JAZF1: variants seen among roughly 807,000 people sequenced by gnomAD.
JAZF1 encodes the protein JAZF zinc finger 1, also known as juxtaposed with another zinc finger protein 1.
JAZF1 carries 8 observed loss-of-function variants against 26.4 expected under a neutral mutation model. The ratio of observed to expected loss-of-function variants is 0.30; its 90% CI spans 0.18 to 0.55. The LOEUF (loss-of-function observed/expected upper bound fraction) is 0.55. JAZF1 is among the 20% of genes least tolerant of loss of function. The pLI is 0.94. For synonymous variants in JAZF1, 126 were observed against 122.3 expected (o/e 1.03, Z -0.20); for missense variants, 199 against 322.0 (o/e 0.62, Z 2.92).
chr7:27,863,143 TA>T (rs1783412232), intron 3 of JAZF1, among the ~76,000 whole-genome samples: 1 of 152,250 alleles, frequency 6.6e-6, no homozygotes, highest in Non-Finnish European at 1.5e-5. Flanking sequence ...TTCAAAATGT[TA>T]TTTCAGGTGA....
chr7:28,088,594 G>A (rs1453610743), intron 1 of JAZF1, among the ~76,000 whole-genome samples: 2 of 152,166 alleles, frequency 1.3e-5, no homozygotes, highest in African/African-American at 4.8e-5. Flanking sequence ...AGTGTAGCTA[G>A]GTTTGTTTAA....
intron 1 of JAZF1, among the ~76,000 whole-genome samples, chr7:28,146,928 C>T (rs1783037358): frequency 6.6e-6 from 1 of 150,806 alleles, no homozygotes; most frequent in Admixed American, 6.6e-5. Context: ...GTGATCTCAG[C>T]TCACTGCAAC....
At chr7:27,852,749 T>G (rs1292472181) in intron 3 of JAZF1, among the ~76,000 whole-genome samples, 5 of 152,232 alleles carry the variant, frequency 3.3e-5, no homozygotes, top group Non-Finnish European at 7.3e-5. Flanking sequence ...TGTTCTGATA[T>G]TATAGCTACT....
intron 1 of JAZF1, among the ~76,000 whole-genome samples, chr7:28,019,021 T>C (rs558135701): frequency 6.6e-6 from 1 of 152,342 alleles, no homozygotes; most frequent in South Asian, 2.1e-4. Context: ...CCAGGTTACA[T>C]AAGCCCTGTT....
intron 3 of JAZF1, among the ~76,000 whole-genome samples, chr7:27,889,930 C>T (rs1389351200): frequency 3.2e-5 from 2 of 61,864 alleles, no homozygotes; most frequent in African/African-American, 2.2e-4. Context: ...GAGACTTTCT[C>T]TCAAAAAAAA....
Position 27,831,873 on chromosome 7 carries a change from C to T in JAZF1, c.*927G>A, listed in dbSNP as rs1392417549. On this transcript the variant is annotated 3_prime_UTR_variant, in exon 5 of 5. Transcript: ENST00000283928. ...ACATTAAATTGTTGGCAATAGAGAA[C>T]TACAAAGTGCTTTAAAACTTCATCT... 3.2e-5 allele frequency: 7 copies of T among 218,308 alleles called. No individual in the cohort carries two copies. The highest frequency in any genetic ancestry group is 6.4e-5 in the Non-Finnish European group (7 of 108,596). The allele number at this position is 218,308 out of a possible 1,614,324, so 13.5% of individuals were successfully genotyped here.
intron 3 of JAZF1, chr7:27,843,945 G>T (rs1053684662): frequency 3.2e-4 from 48 of 152,366 alleles, no homozygotes; most frequent in African/African-American, 1.1e-3. Context: ...CTCATTTACT[G>T]TTGCCTTGCT....
chr7:28,100,406 G>A (rs1488018548), intron 1 of JAZF1, among the ~76,000 whole-genome samples: 1 of 151,754 alleles, frequency 6.6e-6, no homozygotes, highest in African/African-American at 2.4e-5. Context: ...GATTGTTCAG[G>A]TAGAGCATAT....
At chr7:27,952,163 G>C (rs953392149) in intron 2 of JAZF1, among the ~76,000 whole-genome samples, 1 of 152,180 alleles carries the variant, frequency 6.6e-6, no homozygotes, top group Non-Finnish European at 1.5e-5. Flanking sequence ...CCTTCAAGGA[G>C]CCCATAGTCT....
intron 1 of JAZF1, among the ~76,000 whole-genome samples, chr7:27,995,189 A>T (rs1785990362): frequency 1.3e-5 from 2 of 152,232 alleles, no homozygotes; most frequent in Non-Finnish European, 2.9e-5. Flanking sequence ...TGGCCATGGC[A>T]CACATTTATG....
At chr7:28,178,655 A>G (rs1396330952) in intron 1 of JAZF1, among the ~76,000 whole-genome samples, 1 of 152,234 alleles carries the variant, frequency 6.6e-6, no homozygotes, top group African/African-American at 2.4e-5. Flanking sequence ...ATTTTAAACT[A>G]GCCATCATGA....
At chr7:28,062,808 C>T (rs1469028409) in intron 1 of JAZF1, among the ~76,000 whole-genome samples, 1 of 152,174 alleles carries the variant, frequency 6.6e-6, no homozygotes, top group Non-Finnish European at 1.5e-5. Flanking sequence ...TAATTCCTTA[C>T]ACTAAACTTC....
intron 1 of JAZF1, among the ~76,000 whole-genome samples, chr7:28,095,051 C>G (rs1489050558): frequency 6.6e-6 from 1 of 152,166 alleles, no homozygotes; most frequent in Non-Finnish European, 1.5e-5. Context: ...TGTGCCATCT[C>G]CGAATCTGAG....
intron 3 of JAZF1, chr7:27,863,898 T>C (rs187709600): frequency 2.0e-5 from 3 of 152,300 alleles, no homozygotes; most frequent in Non-Finnish European, 4.4e-5. Context: ...CCTGTCACAT[T>C]TCTCTCTGCC....
At chr7:28,052,388 G>A (rs1783630902) in intron 1 of JAZF1, among the ~76,000 whole-genome samples, 2 of 152,160 alleles carry the variant, frequency 1.3e-5, no homozygotes, top group African/African-American at 4.8e-5. Flanking sequence ...GAGTCAGTTT[G>A]CTAATTTGAT....
chr7:27,919,675 C>A (rs1784497877), intron 2 of JAZF1, among the ~76,000 whole-genome samples: 1 of 152,106 alleles, frequency 6.6e-6, no homozygotes, highest in South Asian at 2.1e-4. Flanking sequence ...CTTATGGTTA[C>A]AAAAGGAAGG....
chr7:27,867,012 G>A (rs1334577337), intron 3 of JAZF1, among the ~76,000 whole-genome samples: 5 of 152,214 alleles, frequency 3.3e-5, no homozygotes, highest in Admixed American at 6.5e-5. Context: ...CAGTGAGAGT[G>A]AGTACTGTCT....
intron 3 of JAZF1, among the ~76,000 whole-genome samples, chr7:27,852,092 G>A (rs991907400): frequency 6.6e-6 from 1 of 151,692 alleles, no homozygotes; most frequent in African/African-American, 2.4e-5. Flanking sequence ...TAGACTCCTA[G>A]GTTTTTTGAC....
At chr7:28,144,587 T>C (rs1239385203) in intron 1 of JAZF1, among the ~76,000 whole-genome samples, 1 of 152,226 alleles carries the variant, frequency 6.6e-6, no homozygotes, top group East Asian at 1.9e-4. Flanking sequence ...ACAGGCTCTT[T>C]ACAGAGCAGC....
Sources: gnomAD v4.1 joint callset for allele counts (sites outside exome capture counted in the v4.1 genomes callset) on GRCh38, gnomAD v4.1.1 for gene constraint, MANE v1.5 for transcripts, NCBI Gene and HGNC (gene_info 2026-07-23, HGNC 2026-07-21) for gene names.